Variants in DPYSL5 observed in about 807,000 individuals in gnomAD.
DPYSL5 encodes dihydropyrimidinase like 5.
A neutral mutation model predicts 58.4 loss-of-function variants in DPYSL5; 9 were observed. The ratio of observed to expected loss-of-function variants is 0.15; its 90% CI spans 0.09 to 0.27. The LOEUF is 0.27. Ranked by LOEUF, DPYSL5 falls within the 10% of genes least tolerant of loss-of-function variation. The pLI is 1.00. For missense variants in DPYSL5, 499 were observed against 770.6 expected (o/e 0.65, Z 4.17); for synonymous variants, 293 against 301.9 (o/e 0.97, Z 0.31).
intron 2 of DPYSL5, among the ~76,000 whole-genome samples, chr2:26,914,560 C>T (rs145534017): frequency 4.2e-4 from 64 of 152,302 alleles, no homozygotes; most frequent in African/African-American, 1.4e-3. Context: ...CTGGCTGCTC[C>T]CTACAGCTTA....
Position 26,942,613 on chromosome 2 carries a change from G to A in DPYSL5, c.1303G>A (p.Val435Met). ...NLYENMRCHG[V>M]PLVTISRGRV... ...GTATGAGAACATGCGCTGCCACGGC[G>A]TGCCACTGGTCACCATCAGCCGGGG... is the stretch of plus-strand genomic sequence containing the variant. Residue 435 changes from valine to methionine, a missense_variant, in exon 11 of 13, where the codon GTG becomes ATG. Transcript: ENST00000288699. The surrounding 1 kb of genome is among the most constrained non-coding windows in gnomAD (Gnocchi z 5.9). The A allele has an allele frequency of 1.2e-6, 2 of 1,614,164 alleles. No homozygotes were observed. Among genetic ancestry groups the A allele is most frequent in the Non-Finnish European group, 1.7e-6 (2 of 1,180,034 alleles).
chr2:26,934,608 C>T lies in DPYSL5; in HGVS notation c.821C>T (p.Ala274Val). The change falls in exon 8 of 13, where the codon GCA (alanine) becomes GTA (valine). Residue 274 changes from alanine (A) to valine (V), a missense_variant. Ala to Val is a moderately conservative substitution (Grantham distance 64). Coordinates refer to ENST00000288699, the MANE Select transcript of DPYSL5 (RefSeq NM_020134.4). The surrounding 1 kb of genome is among the most constrained non-coding windows in gnomAD (Gnocchi z 4.3). ...GTTGTGCTGGCGGAGACCACCACTG[C>T]ACATGCCACGCTGACAGGCTTACAC... ...GKVVLAETTTAHATLTGLHYY... is the reference protein window; with the variant it reads ...GKVVLAETTTVHATLTGLHYY... 1 of 1,613,494 alleles carries T rather than the reference C, an allele frequency of 6.2e-7. No individual in the cohort carries two copies. Among genetic ancestry groups the T allele is most frequent in the Non-Finnish European group, 8.5e-7 (1 of 1,180,040 alleles).
chr2:26,896,670 A>AT (rs1260431424), intron 1 of DPYSL5, among the ~76,000 whole-genome samples: 1 of 152,166 alleles, frequency 6.6e-6, no homozygotes, highest in African/African-American at 2.4e-5. Flanking sequence ...TCTATTGGCC[A>AT]TTTGTATGTC....
At chr2:26,919,385 T>G (rs1320768461) in intron 2 of DPYSL5, among the ~76,000 whole-genome samples, 1 of 152,204 alleles carries the variant, frequency 6.6e-6, no homozygotes, top group Non-Finnish European at 1.5e-5. Flanking sequence ...CAAATGAGCA[T>G]CAAATAAATC....
Position 26,944,964 on chromosome 2 carries a change from A to G in DPYSL5, c.1609+140A>G. 1 of 819,756 alleles carries G rather than the reference A, an allele frequency of 1.2e-6. No individual in the cohort carries two copies. The allele number at this position is 819,756 out of a possible 1,614,324, so 50.8% of individuals were successfully genotyped here. On this transcript the variant is annotated intron_variant, in intron 12 of 12. Transcript: ENST00000288699. The surrounding 1 kb of genome is among the most constrained non-coding windows in gnomAD (Gnocchi z 4.4). ...TTTCCAGGGATGAGTGCTGGTTTGGATATTAGACTCACATAGACATTAGTG... is the reference window on the plus strand; with the variant it reads ...TTTCCAGGGATGAGTGCTGGTTTGGGTATTAGACTCACATAGACATTAGTG...
intron 8 of DPYSL5, chr2:26,939,492 C>A (rs569257533): frequency 6.4e-6 from 1 of 155,392 alleles, no homozygotes; most frequent in Admixed American, 6.2e-5. Flanking sequence ...TGGGGAAGAA[C>A]TGAGTGGCTT....
At position 26,924,932 on chromosome 2, in the gene DPYSL5, C is replaced by T; in HGVS notation, c.307C>T (p.Pro103Ser). ...GTTMIIGHVL[P>S]DKETSLVDAY... Reference sequence around the variant, plus strand: ...CACCATGATCATCGGCCACGTCCTGCCCGACAAGGAGACCTCCCTTGTGGA... The same window carrying T: ...CACCATGATCATCGGCCACGTCCTGTCCGACAAGGAGACCTCCCTTGTGGA... Residue 103 changes from proline to serine, a missense_variant, in exon 3 of 13, where the codon CCC becomes TCC. Coordinates refer to ENST00000288699, the MANE Select transcript of DPYSL5 (RefSeq NM_020134.4). This position sits in a 1 kb window ranked among gnomAD's most constrained non-coding sequence, Gnocchi z 4.7. The T allele has an allele frequency of 6.2e-7, 1 of 1,614,178 alleles. No individual in the cohort carries two copies. Among genetic ancestry groups the T allele is most frequent in the African/African-American group, 1.3e-5 (1 of 75,056 alleles).
intron 12 of DPYSL5, among the ~76,000 whole-genome samples, chr2:26,946,098 C>T (rs941329630): frequency 2.6e-5 from 4 of 152,198 alleles, no homozygotes; most frequent in African/African-American, 9.7e-5. Context: ...GCATGGAAGA[C>T]TTGTTTATGC....
chr2:26,926,147 C>T (rs1466431100), intron 3 of DPYSL5, among the ~76,000 whole-genome samples: 1 of 152,244 alleles, frequency 6.6e-6, no homozygotes, highest in Non-Finnish European at 1.5e-5. Context: ...TAAAGCCTCA[C>T]TATATTTCTG....
chr2:26,915,161 C>T (rs1020458692), intron 2 of DPYSL5, among the ~76,000 whole-genome samples: 1 of 152,124 alleles, frequency 6.6e-6, no homozygotes, highest in Non-Finnish European at 1.5e-5. Context: ...GACATTGTGC[C>T]TTGGATGCCC....
At chr2:26,866,502 C>T (rs1448847986) in intron 1 of DPYSL5, among the ~76,000 whole-genome samples, 1 of 151,274 alleles carries the variant, frequency 6.6e-6, no homozygotes, top group Non-Finnish European at 1.5e-5. Context: ...ACACAATGTT[C>T]ATTGTAATTG....
At chr2:26,888,956 A>G (rs1663799833) in intron 1 of DPYSL5, among the ~76,000 whole-genome samples, 1 of 152,044 alleles carries the variant, frequency 6.6e-6, no homozygotes, top group South Asian at 2.1e-4. Flanking sequence ...CGGCTTACAG[A>G]TGGACGCCTT....
chr2:26,885,180 CAG>C (rs1558331162), intron 1 of DPYSL5, among the ~76,000 whole-genome samples: 1 of 152,022 alleles, frequency 6.6e-6, no homozygotes, highest in African/African-American at 2.4e-5. Context: ...GCCTGGGTGA[CAG>C]AGCAAGACTC....
intron 1 of DPYSL5, among the ~76,000 whole-genome samples, chr2:26,860,560 C>G (rs1169910297): frequency 6.6e-6 from 1 of 152,200 alleles, no homozygotes; most frequent in Non-Finnish European, 1.5e-5. Context: ...TATACAAGCA[C>G]ATGTGCTTGA....
At chr2:26,932,994 G>A (rs3820822) in intron 6 of DPYSL5, among the ~76,000 whole-genome samples, 56,782 of 152,136 alleles carry the variant, frequency 0.37, 11,169 homozygotes, top group Admixed American at 0.53. Flanking sequence ...GTTCAGACTT[G>A]ACGGTCTTGA....
At chr2:26,917,425 A>AGCCAGAGG (rs113469914) in intron 2 of DPYSL5, among the ~76,000 whole-genome samples, 5 of 152,338 alleles carry the variant, frequency 3.3e-5, no homozygotes, top group African/African-American at 9.6e-5. Flanking sequence ...GGCTGTTTGT[A>AGCCAGAGG]GCCAGAGGGA....
intron 1 of DPYSL5, among the ~76,000 whole-genome samples, chr2:26,892,699 A>T (rs1342577932): frequency 6.6e-6 from 1 of 151,698 alleles, no homozygotes; most frequent in East Asian, 1.9e-4. Context: ...AAACAAACAA[A>T]AACAAAAAAC....
intron 2 of DPYSL5, among the ~76,000 whole-genome samples, chr2:26,922,207 T>G (rs1252889540): frequency 6.6e-6 from 1 of 152,194 alleles, no homozygotes; most frequent in Admixed American, 6.5e-5. Context: ...ACCACCAATG[T>G]GTGCATACCA....
chr2:26,881,915 C>T (rs575613557), intron 1 of DPYSL5, among the ~76,000 whole-genome samples: 1 of 151,930 alleles, frequency 6.6e-6, no homozygotes, highest in East Asian at 1.9e-4. Flanking sequence ...CACGGTGAAA[C>T]CCCATCTCTA....
Sources: gnomAD v4.1 joint callset for allele counts (sites outside exome capture counted in the v4.1 genomes callset) on GRCh38, gnomAD v4.1.1 for gene constraint, Gnocchi (gnomAD v3.1) non-coding constraint, MANE v1.5 for transcripts, NCBI Gene and HGNC (gene_info 2026-07-23, HGNC 2026-07-21) for gene names.